Variants in UBN1 observed in about 807,000 individuals in gnomAD.
The protein encoded by UBN1 is ubinuclein 1.
In UBN1, 17 loss-of-function variants were observed where a neutral mutation model predicts 108.5. That is an observed-to-expected ratio of 0.16 (90% CI 0.11 to 0.24). UBN1 has a LOEUF of 0.24. Ranked by LOEUF, UBN1 falls within the 10% of genes least tolerant of loss-of-function variation. The pLI, the probability that UBN1 is intolerant of heterozygous loss-of-function variation, is 1.00. For synonymous variants in UBN1, 726 were observed against 564.2 expected, an observed-to-expected ratio of 1.29 and a Z score of -4.07; for missense variants, 1,595 against 1,394.4, an observed-to-expected ratio of 1.14 and a Z score of -2.29.
chr16:4,859,208 C>G, intron 5 of UBN1, 49 bp downstream of exon 5: 1 of 1,592,520 alleles, frequency 6.3e-7, no homozygotes, highest in East Asian at 2.2e-5. Flanking sequence ...TTGACGTGAC[C>G]CTATCAGATC....
At chr16:4,863,200 G>A (rs772691920) in intron 7 of UBN1, among the ~76,000 whole-genome samples, 1 of 152,078 alleles carries the variant, frequency 6.6e-6, no homozygotes, top group African/African-American at 2.4e-5. Flanking sequence ...GCCTTTTTAC[G>A]TAATATTATA....
chr16:4,850,947 A>G (rs17137323), intron 1 of UBN1, among the ~76,000 whole-genome samples: 1,529 of 152,344 alleles, frequency 0.01, 29 homozygotes, highest in African/African-American at 0.035. Context: ...TAACTTTGCA[A>G]CATTAAAGTA....
chr16:4,865,540 G>A (rs553294491), intron 7 of UBN1, among the ~76,000 whole-genome samples: 8 of 152,214 alleles, frequency 5.3e-5, no homozygotes, highest in South Asian at 2.1e-4. Context: ...GCGTGGTTGC[G>A]TGCAGCTGTA....
chr16:4,865,232 G>A (rs1331792478), intron 7 of UBN1, among the ~76,000 whole-genome samples: 3 of 152,170 alleles, frequency 2.0e-5, no homozygotes. Flanking sequence ...CGACTCTTCA[G>A]TATAAAGCCA....
chr16:4,850,737 G>A (rs958747353), intron 1 of UBN1, among the ~76,000 whole-genome samples: 4 of 152,072 alleles, frequency 2.6e-5, no homozygotes, highest in African/African-American at 9.7e-5. Context: ...ATCATAATTC[G>A]ACAAATGAAT....
intron 1 of UBN1, among the ~76,000 whole-genome samples, chr16:4,850,578 C>T (rs754327654): frequency 2.8e-4 from 43 of 152,156 alleles, no homozygotes; most frequent in Non-Finnish European, 4.1e-4. Flanking sequence ...GGGAAATCTC[C>T]TTTAACATCT....
At chr16:4,851,864 A>G (rs916260792) in intron 1 of UBN1, among the ~76,000 whole-genome samples, 4 of 152,162 alleles carry the variant, frequency 2.6e-5, no homozygotes, top group African/African-American at 9.6e-5. Flanking sequence ...ATCATACCTC[A>G]CTCTAAGCAA....
chr16:4,871,200 C>G lies in UBN1; in HGVS notation c.1605C>G (p.Asp535Glu). Residue 535 changes from aspartate to glutamate, a missense_variant, in exon 12 of 18, where the codon GAC becomes GAG. Around this residue, in one of 3 missense-constraint regions of UBN1, gnomAD observed 1,398 missense variants for 1,194.7 expected, o/e 1.17. Coordinates refer to ENST00000262376, the MANE Select transcript of UBN1 (RefSeq NM_001079514.3). ...QVVKIKLESQ[D>E]LERNNKAQAW... ...TGAAGATCAAACTGGAGAGCCAGGA[C>G]CTGGAGAGGAACAACAAAGCCCAGG... 1 of 1,614,188 alleles carries G rather than the reference C, an allele frequency of 6.2e-7. No homozygotes were observed. The highest frequency in any genetic ancestry group is 1.1e-5 in the South Asian group (1 of 91,084).
intron 2 of UBN1, among the ~76,000 whole-genome samples, chr16:4,856,222 G>A (rs183309612): frequency 1.2e-3 from 188 of 152,300 alleles, no homozygotes; most frequent in African/African-American, 4.4e-3. Flanking sequence ...TCACCTTTTT[G>A]GGGACTACAG....
intron 12 of UBN1, 97 bp from the exon 13 acceptor site, chr16:4,872,787 G>T: frequency 7.2e-7 from 1 of 1,397,096 alleles, no homozygotes; most frequent in South Asian, 1.2e-5. Flanking sequence ...TTTAATGAGG[G>T]ATAGCTACTG....
intron 7 of UBN1, among the ~76,000 whole-genome samples, chr16:4,868,272 C>T (rs2087433511): frequency 6.6e-6 from 1 of 152,154 alleles, no homozygotes; most frequent in African/African-American, 2.4e-5. Flanking sequence ...CTCCTATAAT[C>T]TGGTGTTAAT....
chr16:4,879,219 G>A (rs545948731), intron 17 of UBN1, among the ~76,000 whole-genome samples: 64 of 152,298 alleles, frequency 4.2e-4, no homozygotes, highest in African/African-American at 1.5e-3. Flanking sequence ...TAACTCTAAC[G>A]TGACACTACA....
intron 1 of UBN1, among the ~76,000 whole-genome samples, chr16:4,851,004 A>G (rs1439888971): frequency 2.0e-5 from 3 of 152,240 alleles, no homozygotes; most frequent in Non-Finnish European, 4.4e-5. Flanking sequence ...ATCTCTAAAT[A>G]CCGTATTAAT....
chr16:4,854,418 A>G (rs1032882285), intron 2 of UBN1, among the ~76,000 whole-genome samples: 15 of 150,186 alleles, frequency 1.0e-4, no homozygotes, highest in Admixed American at 2.0e-4. Flanking sequence ...ATCTTGGCTC[A>G]CTGCAACTTC....
At chr16:4,870,398 G>C in intron 9 of UBN1, 57 bp downstream of exon 9, 1 of 1,611,172 alleles carries the variant, frequency 6.2e-7, no homozygotes, top group Non-Finnish European at 8.5e-7. Context: ...AGGGGTGACT[G>C]AGTCTTAAGC....
At chr16:4,857,041 A>G (rs1440193527) in intron 2 of UBN1, among the ~76,000 whole-genome samples, 1 of 152,150 alleles carries the variant, frequency 6.6e-6, no homozygotes, top group East Asian at 1.9e-4. Context: ...TCTTATTAAA[A>G]TTAGGATTCC....
At chr16:4,850,575 C>G (rs965292211) in intron 1 of UBN1, among the ~76,000 whole-genome samples, 1 of 152,154 alleles carries the variant, frequency 6.6e-6, no homozygotes, top group Admixed American at 6.5e-5. Context: ...TTAGGGAAAT[C>G]TCCTTTAACA....
chr16:4,875,796 T>C (rs140662772), intron 15 of UBN1, among the ~76,000 whole-genome samples: 2 of 152,296 alleles, frequency 1.3e-5, no homozygotes, highest in Non-Finnish European at 2.9e-5. Flanking sequence ...TGCTGTCTTC[T>C]ATCAGTTGAG....
rs960853782 is a variant in UBN1 at position 4,881,280 on chromosome 16, C to T, written c.*1148C>T. ...CCGGGTAGAAATAGGCCTTGAAGTC[C>T]TGGGGCTCTCCAGGCAGTGGGGTTA... On this transcript the variant is annotated 3_prime_UTR_variant, in exon 18 of 18. Transcript: ENST00000262376. The T allele has an allele frequency of 2.0e-5, 3 of 152,694 alleles. No homozygotes were observed. Among genetic ancestry groups the T allele is most frequent in the Admixed American group, 1.3e-4 (2 of 15,276 alleles). The allele number at this position is 152,694 out of a possible 1,614,324, so 9.5% of individuals were successfully genotyped here.
Sources: allele counts gnomAD v4.1 joint callset (sites outside exome capture counted in the v4.1 genomes callset), GRCh38; gene constraint gnomAD v4.1.1; regional missense constraint gnomAD v4.1.1; transcripts MANE v1.5; gene names NCBI Gene and HGNC (gene_info 2026-07-23, HGNC 2026-07-21).